The following PLEKHG4B variants were observed in gnomAD, a reference collection of about 807,000 sequenced individuals.
PLEKHG4B encodes the protein pleckstrin homology and RhoGEF domain containing G4B, also known as pleckstrin homology domain-containing family G member 4B.
In PLEKHG4B, 111 loss-of-function variants were observed where a neutral mutation model predicts 121.3. The observed-to-expected ratio is 0.92, with a 90% CI of 0.78 to 1.07. The LOEUF (loss-of-function observed/expected upper bound fraction) is 1.07, where lower values mean the gene tolerates loss of function less well. Ranked by LOEUF, PLEKHG4B falls within the 50% of genes least tolerant of loss-of-function variation. The probability of loss-of-function intolerance (pLI) is 0.00; values close to 1 mark genes in which losing one functional copy is unlikely to be tolerated. For synonymous variants in PLEKHG4B, 738 were observed against 725.0 expected, an observed-to-expected ratio of 1.02 and a Z score of -0.29; for missense variants, 1,831 against 1,757.8, an observed-to-expected ratio of 1.04 and a Z score of -0.74.
rs184049410 is a variant in PLEKHG4B at position 159,375 on chromosome 5, G to C, written c.2488-2408G>C. Among the ~76,000 whole-genome samples the C allele has an allele frequency of 6.6e-6, 1 of 152,008 alleles. No homozygotes were observed. The highest frequency in any genetic ancestry group is 2.1e-4 in the South Asian group (1 of 4,832). On this transcript the variant is annotated intron_variant, in intron 11 of 19. Transcript: ENST00000637938. The surrounding 1 kb of genome is among the most constrained non-coding windows in gnomAD (Gnocchi z 5.5). Reference sequence around the variant, plus strand: ...TTCTGGGAATTCTGTGACATCCTTCGTGGCGCTCGCATTTCCCACAGCTCC... The same window carrying C: ...TTCTGGGAATTCTGTGACATCCTTCCTGGCGCTCGCATTTCCCACAGCTCC...
At chr5:145,110 G>A (rs1735363146) in intron 6 of PLEKHG4B, among the ~76,000 whole-genome samples, 190 bp downstream of exon 6, 1 of 152,236 alleles carries the variant, frequency 6.6e-6, no homozygotes, top group African/African-American at 2.4e-5. Flanking sequence ...TGCTCTCTGG[G>A]GCCAGGCACA....
At position 181,446 on chromosome 5, in the gene PLEKHG4B, C is replaced by T. The variant is rs905207569; in HGVS notation, c.4403-68C>T. ...TTTGGGCTGAGGGCATTAGGGGTAC[C>T]GGGCGTCTTTGGGGTGGCATTAGCC... On this transcript the variant is annotated intron_variant, in intron 18 of 19. Coordinates refer to ENST00000637938, the MANE Select transcript of PLEKHG4B (RefSeq NM_052909.5). 2.6e-5 allele frequency: 40 copies of T among 1,517,558 alleles called. 1 individual carries two copies. The Admixed American group carries it at 3.9e-4, about 15-fold the overall frequency. The allele number at this position is 1,517,558 out of a possible 1,614,324, so 94.0% of individuals were successfully genotyped here. A position where few individuals can be genotyped will look rare whatever the true frequency, so the allele number is the denominator to read the frequency against.
intron 13 of PLEKHG4B, among the ~76,000 whole-genome samples, chr5:164,078 C>T (rs12514037): frequency 0.32 from 48,990 of 152,130 alleles, 9,035 homozygotes; most frequent in South Asian, 0.53. Context: ...CCATCTTCCA[C>T]CCATGTGGTA....
rs1185944721 is a variant in PLEKHG4B at position 189,461 on chromosome 5, G to A, written c.*7138G>A. On this transcript the variant is annotated 3_prime_UTR_variant, in exon 20 of 20. Coordinates refer to ENST00000637938, the MANE Select transcript of PLEKHG4B (RefSeq NM_052909.5). Reference sequence around the variant, plus strand: ...GGTCCAGCCATCTCTGCACAGAACTGGAATCTCGGTTCATTTCGGTTTCAG... The same window carrying A: ...GGTCCAGCCATCTCTGCACAGAACTAGAATCTCGGTTCATTTCGGTTTCAG... 1.3e-5 allele frequency: 2 copies of A among 152,474 alleles called. No individual in the cohort carries two copies. The highest frequency in any genetic ancestry group is 2.1e-4 in the South Asian group (1 of 4,830). 9.4% of individuals were successfully genotyped at this position (152,474 alleles called of 1,614,324 possible).
chr5:177,795 C>T (rs773043445), intron 18 of PLEKHG4B, among the ~76,000 whole-genome samples: 2 of 152,222 alleles, frequency 1.3e-5, no homozygotes, highest in Non-Finnish European at 1.5e-5. Context: ...CTGGGCTGCC[C>T]GTGTGCACAG....
chr5:138,161 G>C (rs941656535), intron 2 of PLEKHG4B, among the ~76,000 whole-genome samples: 2 of 152,232 alleles, frequency 1.3e-5, no homozygotes, highest in African/African-American at 2.4e-5. Flanking sequence ...CCCACCGGCA[G>C]CTAATTGCTT....
chr5:149,978 T>C (rs1735552264), intron 6 of PLEKHG4B, among the ~76,000 whole-genome samples: 1 of 152,232 alleles, frequency 6.6e-6, no homozygotes, highest in East Asian at 1.9e-4. Context: ...AAAAAGTAAA[T>C]ATAGGATTAC....
Position 137,738 on chromosome 5 carries a change from C to T in PLEKHG4B, c.244-1745C>T, listed in dbSNP as rs1162975146. 6.6e-6 allele frequency among the ~76,000 whole-genome samples: 1 copy of T among 152,214 alleles called. No individual in the cohort carries two copies. Among genetic ancestry groups the T allele is most frequent in the Non-Finnish European group, 1.5e-5 (1 of 68,044 alleles). On this transcript the variant is annotated intron_variant, in intron 2 of 19. Transcript: ENST00000637938. The surrounding 1 kb of genome is among the most constrained non-coding windows in gnomAD (Gnocchi z 4.2). Reference sequence around the variant, plus strand: ...GTCACTTGTGCATTTTACGTCAAATCACCACTTCACAGGAACATGCCCTGG... The same window carrying T: ...GTCACTTGTGCATTTTACGTCAAATTACCACTTCACAGGAACATGCCCTGG...
chr5:149,798 G>T (rs1327759175), intron 6 of PLEKHG4B, among the ~76,000 whole-genome samples: 1 of 152,160 alleles, frequency 6.6e-6, no homozygotes, highest in Non-Finnish European at 1.5e-5. Context: ...AATGATTAGA[G>T]AAATTCAAAT....
At chr5:161,609 A>G (rs1736003165) in intron 11 of PLEKHG4B, among the ~76,000 whole-genome samples, 174 bp from the exon 12 acceptor site, 1 of 147,142 alleles carries the variant, frequency 6.8e-6, no homozygotes, top group Admixed American at 6.8e-5. Context: ...GAAAAGAACT[A>G]GAGAAATGCC....
rs188583666 is a variant in PLEKHG4B at position 156,722 on chromosome 5, G to C, written c.2349-51G>C. ...TTATATGGGGTTGTCACCAAGAGCAGATTCCTCAAGGGGCCGCCTGGAAGC... is the reference window on the plus strand; with the variant it reads ...TTATATGGGGTTGTCACCAAGAGCACATTCCTCAAGGGGCCGCCTGGAAGC... On this transcript the variant is annotated intron_variant, in intron 10 of 19. Transcript: ENST00000637938. The surrounding 1 kb of genome is among the most constrained non-coding windows in gnomAD (Gnocchi z 4.4). 427 of 1,517,696 alleles carry C rather than the reference G, an allele frequency of 2.8e-4. No individual in the cohort carries two copies. In the African/African-American group the frequency reaches 5.3e-3, roughly 19 times the overall value. The allele number at this position is 1,517,696 out of a possible 1,614,324, so 94.0% of individuals were successfully genotyped here.
intron 2 of PLEKHG4B, among the ~76,000 whole-genome samples, chr5:123,955 T>C (rs1734537904): frequency 6.6e-6 from 1 of 152,212 alleles, no homozygotes; most frequent in African/African-American, 2.4e-5. Flanking sequence ...GGTTGTTGAT[T>C]TGCGATCTTT....
At chr5:94,663 C>T (rs1733579524) in intron 1 of PLEKHG4B, among the ~76,000 whole-genome samples, 1 of 151,792 alleles carries the variant, frequency 6.6e-6, no homozygotes, top group Non-Finnish European at 1.5e-5. Flanking sequence ...GGAATCTGGA[C>T]TCTGGTAAGC....
In PLEKHG4B at chr5:139,822, G is replaced by T; in HGVS notation, c.583G>T (p.Val195Phe). The T allele has an allele frequency of 2.5e-6, 1 of 398,822 alleles. No homozygotes were observed. The highest frequency in any genetic ancestry group is 4.4e-6 in the Non-Finnish European group (1 of 226,236). The allele number at this position is 398,822 out of a possible 1,614,324, so 24.7% of individuals were successfully genotyped here. A position where few individuals can be genotyped will look rare whatever the true frequency, so the allele number is the denominator to read the frequency against. The change falls in exon 3 of 20, where the codon GTC becomes TTC. Residue 195 changes from valine (V) to phenylalanine (F), a missense_variant. Coordinates refer to ENST00000637938, the MANE Select transcript of PLEKHG4B (RefSeq NM_052909.5). This position sits in a 1 kb window ranked among gnomAD's most constrained non-coding sequence, Gnocchi z 5.0. ...CGTCCACCGAGCCCCGTGGAGCGAC[G>T]TCACTGACCCTGTCTTTGTCCCCAG... ...LAVHRAPWSD[V>F]TDPVFVPSPG...
At chr5:165,733 G>A (rs1440678746) in intron 13 of PLEKHG4B, among the ~76,000 whole-genome samples, 107 of 17,000 alleles carry the variant, frequency 6.3e-3, no homozygotes, top group Non-Finnish European at 8.1e-3. Context: ...GACGGGGCGG[G>A]GCTCACACTA....
intron 7 of PLEKHG4B, among the ~76,000 whole-genome samples, chr5:153,553 G>A (rs754529504): frequency 1.3e-5 from 2 of 152,074 alleles, no homozygotes; most frequent in Non-Finnish European, 2.9e-5. Flanking sequence ...CATACCGCGG[G>A]GCTTCTTCCA....
Position 98,752 on chromosome 5 carries a change from C to T in PLEKHG4B, c.45+6476C>T, listed in dbSNP as rs1160461377. 2.0e-3 allele frequency among the ~76,000 whole-genome samples: 299 copies of T among 145,936 alleles called. 4 individuals carry two copies. The highest frequency in any genetic ancestry group is 7.3e-3 in the African/African-American group (287 of 39,432). ...CCTCCCAAAGTGCTGGGATTACAGGCGTGAGCCACCCCGCCCGGCCGATTA... is the reference window on the plus strand; with the variant it reads ...CCTCCCAAAGTGCTGGGATTACAGGTGTGAGCCACCCCGCCCGGCCGATTA... On this transcript the variant is annotated intron_variant, in intron 1 of 19. Coordinates refer to ENST00000637938, the MANE Select transcript of PLEKHG4B (RefSeq NM_052909.5).
At position 162,903 on chromosome 5, in the gene PLEKHG4B, G is replaced by T; in HGVS notation, c.2831G>T (p.Trp944Leu). 1 of 1,534,156 alleles carries T rather than the reference G, an allele frequency of 6.5e-7. No individual in the cohort carries two copies. Among genetic ancestry groups the T allele is most frequent in the East Asian group, 2.3e-5 (1 of 42,846 alleles). ...GKPWASQQDL[W>L]LQYPQTRLRL... ...CCGTGGGCATCACAGCAAGACCTGTGGCTGCAGTACCCCCAGACCCGGCTC... is the reference window on the plus strand; with the variant it reads ...CCGTGGGCATCACAGCAAGACCTGTTGCTGCAGTACCCCCAGACCCGGCTC... Residue 944 changes from tryptophan (W) to leucine (L), a missense_variant, in exon 13 of 20, where the codon TGG becomes TTG. By Grantham distance (61) the Trp-to-Leu change is moderately conservative. Coordinates refer to ENST00000637938, the MANE Select transcript of PLEKHG4B (RefSeq NM_052909.5).
At chr5:153,925 A>G (rs1485034117) in intron 7 of PLEKHG4B, among the ~76,000 whole-genome samples, 1 of 152,194 alleles carries the variant, frequency 6.6e-6, no homozygotes, top group Non-Finnish European at 1.5e-5. Flanking sequence ...TCTTGGGCTC[A>G]AGTGATCCAC....
Sources: gnomAD v4.1 joint callset for allele counts (sites outside exome capture counted in the v4.1 genomes callset) on GRCh38, gnomAD v4.1.1 for gene constraint, Gnocchi (gnomAD v3.1) non-coding constraint, MANE v1.5 for transcripts, NCBI Gene and HGNC (gene_info 2026-07-23, HGNC 2026-07-21) for gene names.